Variants in ZNF850 observed in about 807,000 individuals in gnomAD.
ZNF850 encodes the protein zinc finger protein 850.
A neutral mutation model predicts 11.9 loss-of-function variants in ZNF850; 2 were observed. That is an observed-to-expected ratio of 0.17 (90% CI 0.07 to 0.53). The LOEUF is 0.53. Ranked by LOEUF, ZNF850 falls within the 20% of genes least tolerant of loss-of-function variation. The probability of loss-of-function intolerance (pLI) is 0.94; values close to 1 mark genes in which losing one functional copy is unlikely to be tolerated. For synonymous variants in ZNF850, 381 were observed against 443.0 expected (o/e 0.86, Z 1.76); for missense variants, 1,014 against 1,316.4 (o/e 0.77, Z 3.55).
rs1433597890 is a variant in ZNF850 at position 36,748,992 on chromosome 19, C to A, written c.2048G>T (p.Arg683Ile). The A allele has an allele frequency of 6.2e-7, 1 of 1,605,634 alleles. No individual in the cohort carries two copies. Among genetic ancestry groups the A allele is most frequent in the Non-Finnish European group, 8.5e-7 (1 of 1,177,042 alleles). ...YECPDCGKAF[R>I]QRTYLNQHRR... ...ATGTTGATTAAGGTATGTACGCTGT[C>A]TAAAGGCCTTCCCACAGTCCGGACA... Residue 683 changes from arginine (R) to isoleucine (I), a missense_variant, in exon 5 of 5, where the codon AGA becomes ATA. By Grantham distance (97) the Arg-to-Ile change is moderately conservative. Around this residue, in one of 2 missense-constraint regions of ZNF850, gnomAD observed 835 missense variants for 1,022.0 expected, o/e 0.82. Transcript: ENST00000591344.
Position 36,749,735 on chromosome 19 carries a change from T to C in ZNF850, c.1305A>G (p.Thr435=). The C allele has an allele frequency of 6.4e-7, 1 of 1,555,486 alleles. No individual in the cohort carries two copies. Among genetic ancestry groups the C allele is most frequent in the Non-Finnish European group, 8.7e-7 (1 of 1,152,814 alleles). The part of the protein sequence containing the change: ...ECGKSFTAGS[T]LIQHQRIHTG... ...TGTGAATTCGCTGATGTTGAATTAGTGTTGAGCCAGCAGTAAAAGATTTTC... is the reference window on the plus strand; with the variant it reads ...TGTGAATTCGCTGATGTTGAATTAGCGTTGAGCCAGCAGTAAAAGATTTTC... Residue 435 remains threonine (T), a synonymous_variant, in exon 5 of 5, where the codon ACA becomes ACG. Coordinates refer to ENST00000591344, the MANE Select transcript of ZNF850 (RefSeq NM_001193552.2).
In ZNF850 at chr19:36,748,234, G is replaced by C; in HGVS notation, c.2806C>G (p.Arg936Gly). 6.4e-7 allele frequency: 1 copy of C among 1,550,436 alleles called. No individual in the cohort carries two copies. Among genetic ancestry groups the C allele is most frequent in the Non-Finnish European group, 8.7e-7 (1 of 1,151,438 alleles). ...RCHECGKAFV[R>G]FSGLTKHHSI... ...TGATGTTTGGTGAGTCCTGAGAAAC[G>C]GACAAAGGCTTTTCCACATTCATGA... is the stretch of plus-strand genomic sequence containing the variant. Residue 936 changes from arginine to glycine, a missense_variant, in exon 5 of 5, where the codon CGT becomes GGT. Around this residue, in one of 2 missense-constraint regions of ZNF850, gnomAD observed 179 missense variants for 294.4 expected, o/e 0.61. Transcript: ENST00000591344.
chr19:36,765,940 G>A lies in ZNF850; in HGVS notation c.-69-3265C>T, dbSNP rs148257983. Reference sequence around the variant, plus strand: ...GTCTCAATCTGTTGCCCAGGCTAGCGTGCAGTGAGGTGATCACAGCTCACT... The same window carrying A: ...GTCTCAATCTGTTGCCCAGGCTAGCATGCAGTGAGGTGATCACAGCTCACT... On this transcript the variant is annotated intron_variant, in intron 1 of 4. Coordinates refer to ENST00000591344, the MANE Select transcript of ZNF850 (RefSeq NM_001193552.2). 3.3e-3 allele frequency among the ~76,000 whole-genome samples: 502 copies of A among 151,752 alleles called. 2 individuals carry two copies. Among genetic ancestry groups the A allele is most frequent in the African/African-American group, 0.011 (455 of 41,388 alleles).
chr19:36,751,311 G>T lies in ZNF850; in HGVS notation c.236-507C>A, dbSNP rs532318558. On this transcript the variant is annotated intron_variant, in intron 4 of 4. Transcript: ENST00000591344. ...ATCACAAACAAGGAAAGCCTGAAAA[G>T]CTGTCAAAGCAAAGAGGAGCCAAGG... 6.8e-4 allele frequency among the ~76,000 whole-genome samples: 103 copies of T among 152,090 alleles called. 5 individuals carry two copies. In the South Asian group the frequency reaches 0.021, roughly 30 times the overall value.
At chr19:36,772,307 G>A (rs887453863) in intron 1 of ZNF850, among the ~76,000 whole-genome samples, 1 of 152,050 alleles carries the variant, frequency 6.6e-6, no homozygotes, top group Non-Finnish European at 1.5e-5. Context: ...GACACACAAA[G>A]TCCCAATCGC....
Position 36,749,202 on chromosome 19 carries a change from C to T in ZNF850, c.1838G>A (p.Gly613Asp). 2 of 1,603,532 alleles carry T rather than the reference C, an allele frequency of 1.2e-6. No individual in the cohort carries two copies. The highest frequency in any genetic ancestry group is 2.2e-5 in the East Asian group (1 of 44,582). Reference protein sequence around the residue: ...TLLQHQQIHTGEKPYDCKECG... With the variant: ...TLLQHQQIHTDEKPYDCKECG... The stretch of plus-strand genomic sequence containing the variant: ...TTCCTTACAATCATAAGGTTTCTCA[C>T]CAGTGTGAATTTGCTGATGTTGAAG... Residue 613 changes from glycine to aspartate, a missense_variant, in exon 5 of 5, where the codon GGT becomes GAT. Transcript: ENST00000591344.
chr19:36,766,327 G>C (rs190559461), intron 1 of ZNF850, among the ~76,000 whole-genome samples: 20 of 152,218 alleles, frequency 1.3e-4, no homozygotes, highest in African/African-American at 4.1e-4. Context: ...AATATTGAGG[G>C]AGACAGGGAA....
chr19:36,749,851 C>T lies in ZNF850; in HGVS notation c.1189G>A (p.Glu397Lys). 1 of 1,577,486 alleles carries T rather than the reference C, an allele frequency of 6.3e-7. No homozygotes were observed. Among genetic ancestry groups the T allele is most frequent in the Non-Finnish European group, 8.6e-7 (1 of 1,164,046 alleles). ...HTGEKPYDCK[E>K]CGKSFTFRSG... ...CGAAAAGTAAAAGATTTCCCACATT[C>T]CTTACAATCATAGGGTTTCTCACCA... Residue 397 changes from glutamate (E) to lysine (K), a missense_variant, in exon 5 of 5, where the codon GAA becomes AAA. Glu to Lys is a moderately conservative substitution (Grantham distance 56, BLOSUM62 1). Coordinates refer to ENST00000591344, the MANE Select transcript of ZNF850 (RefSeq NM_001193552.2).
chr19:36,750,797 C>T lies in ZNF850; in HGVS notation c.243G>A (p.Glu81=). The stretch of plus-strand genomic sequence containing the variant: ...ATGAATCTTTGGTCTTACATCTAAA[C>T]TCCGAGTCTGAAAAATAACCAGAAA... ...DVLGGWCRDS[E]FRCKTKDSCL... The change falls in exon 5 of 5, where the codon GAG becomes GAA. Residue 81 remains glutamate, a synonymous_variant. Coordinates refer to ENST00000591344, the MANE Select transcript of ZNF850 (RefSeq NM_001193552.2). 6.7e-7 allele frequency: 1 copy of T among 1,494,308 alleles called. No homozygotes were observed. Among genetic ancestry groups the T allele is most frequent in the Non-Finnish European group, 8.9e-7 (1 of 1,127,732 alleles). 92.6% of individuals were successfully genotyped at this position (1,494,308 alleles called of 1,614,324 possible). A position where few individuals can be genotyped will look rare whatever the true frequency, so the allele number is the denominator to read the frequency against.
rs1025350690 is a variant in ZNF850 at position 36,750,800 on chromosome 19, C to T, written c.240G>A (p.Ser80=). Residue 80 remains serine (S), a synonymous_variant, in exon 5 of 5, where the codon TCG becomes TCA. Transcript: ENST00000591344. Reference sequence around the variant, plus strand: ...AATCTTTGGTCTTACATCTAAACTCCGAGTCTGAAAAATAACCAGAAAGCA... The same window carrying T: ...AATCTTTGGTCTTACATCTAAACTCTGAGTCTGAAAAATAACCAGAAAGCA... ...RDVLGGWCRD[S]EFRCKTKDSC... 1.9e-5 allele frequency: 28 copies of T among 1,491,650 alleles called. No individual in the cohort carries two copies. The highest frequency in any genetic ancestry group is 3.8e-5 in the South Asian group (3 of 78,434). The allele number at this position is 1,491,650 out of a possible 1,614,324, so 92.4% of individuals were successfully genotyped here.
chr19:36,772,530 A>G (rs1179300949), intron 1 of ZNF850, among the ~76,000 whole-genome samples, 195 bp downstream of exon 1: 1 of 152,028 alleles, frequency 6.6e-6, no homozygotes, highest in Non-Finnish European at 1.5e-5. Flanking sequence ...ATCCGCACGC[A>G]CAACGAGGGT....
intron 3 of ZNF850, among the ~76,000 whole-genome samples, 165 bp from the exon 4 acceptor site, chr19:36,761,903 G>A (rs1310788265): frequency 6.6e-6 from 1 of 151,786 alleles, no homozygotes; most frequent in Non-Finnish European, 1.5e-5. Context: ...AAAATTGGCT[G>A]GGCATGGTGG....
At chr19:36,757,838 T>A (rs1313553713) in intron 4 of ZNF850, among the ~76,000 whole-genome samples, 1 of 152,022 alleles carries the variant, frequency 6.6e-6, no homozygotes, top group Non-Finnish European at 1.5e-5. Flanking sequence ...CTTTTTCTTT[T>A]TGAGACAGGG....
intron 1 of ZNF850, among the ~76,000 whole-genome samples, chr19:36,766,059 T>A (rs2040547537): frequency 6.6e-6 from 1 of 150,694 alleles, no homozygotes; most frequent in Non-Finnish European, 1.5e-5. Flanking sequence ...TGGCTATTTT[T>A]TTTGGTATTT....
intron 1 of ZNF850, among the ~76,000 whole-genome samples, chr19:36,764,062 T>G (rs951979369): frequency 6.6e-6 from 1 of 151,668 alleles, no homozygotes; most frequent in South Asian, 2.1e-4. Context: ...CCGGCCAACA[T>G]GGTGAAACCC....
intron 1 of ZNF850, among the ~76,000 whole-genome samples, chr19:36,765,103 G>A (rs2040541963): frequency 6.6e-6 from 1 of 152,202 alleles, no homozygotes; most frequent in Non-Finnish European, 1.5e-5. Flanking sequence ...ATTGCTGCTT[G>A]CTTTGGCTCT....
chr19:36,755,835 A>G (rs2040482785), intron 4 of ZNF850, among the ~76,000 whole-genome samples: 1 of 151,784 alleles, frequency 6.6e-6, no homozygotes, highest in Non-Finnish European at 1.5e-5. Flanking sequence ...ATGCTTAAAG[A>G]AGTTAGAAAG....
intron 4 of ZNF850, among the ~76,000 whole-genome samples, chr19:36,751,684 A>G (rs1287980373): frequency 8.4e-6 from 1 of 118,914 alleles, no homozygotes; most frequent in East Asian, 2.4e-4. Context: ...GGCAACAAAA[A>G]CCAGACTCCA....
At position 36,749,581 on chromosome 19, in the gene ZNF850, T is replaced by A; in HGVS notation, c.1459A>T (p.Thr487Ser). ...YCCKECGKSF[T>S]FRSTRNRHQR... ...TGTCGATTGCGTGTTGAGCGAAAAGTAAAAGATTTTCCACATTCCTTACAA... is the reference window on the plus strand; with the variant it reads ...TGTCGATTGCGTGTTGAGCGAAAAGAAAAAGATTTTCCACATTCCTTACAA... The change falls in exon 5 of 5, where the codon ACT (threonine) becomes TCT (serine). Residue 487 changes from threonine (T) to serine (S), a missense_variant. By Grantham distance (58) the Thr-to-Ser change is moderately conservative (BLOSUM62 1). Coordinates refer to ENST00000591344, the MANE Select transcript of ZNF850 (RefSeq NM_001193552.2). The A allele has an allele frequency of 6.5e-7, 1 of 1,546,912 alleles. No homozygotes were observed.
Sources: gnomAD v4.1 joint callset for allele counts (sites outside exome capture counted in the v4.1 genomes callset) on GRCh38, gnomAD v4.1.1 for gene constraint, gnomAD v4.1.1 regional missense constraint, MANE v1.5 for transcripts, NCBI Gene and HGNC (gene_info 2026-07-23, HGNC 2026-07-21) for gene names.